Variants in ARMH3 observed in about 807,000 individuals in gnomAD.
ARMH3 encodes armadillo like helical domain containing 3, also known as armadillo-like helical domain-containing protein 3.
A neutral mutation model predicts 99.1 loss-of-function variants in ARMH3; 60 were observed. The observed-to-expected ratio is 0.61, with a 90% CI of 0.49 to 0.75. The LOEUF (loss-of-function observed/expected upper bound fraction) is 0.75. Ranked by LOEUF, ARMH3 falls within the 30% of genes least tolerant of loss-of-function variation. ARMH3 has a pLI of 0.00. For missense variants in ARMH3, 679 were observed against 843.1 expected (o/e 0.81, Z 2.41); for synonymous variants, 285 against 292.8 (o/e 0.97, Z 0.27).
chr10:101,918,038 T>C (rs1843152915), intron 23 of ARMH3, among the ~76,000 whole-genome samples: 1 of 151,772 alleles, frequency 6.6e-6, no homozygotes, highest in African/African-American at 2.4e-5. Flanking sequence ...TATCATGGGG[T>C]TTTTTGTTTG....
intron 22 of ARMH3, among the ~76,000 whole-genome samples, chr10:101,947,657 G>A (rs564196035): frequency 9.2e-5 from 14 of 152,138 alleles, no homozygotes; most frequent in South Asian, 2.1e-4. Flanking sequence ...AAAATTAGCC[G>A]GGTGTGGTGG....
intron 23 of ARMH3, among the ~76,000 whole-genome samples, chr10:101,895,511 C>T (rs2067804927): frequency 6.6e-6 from 1 of 152,104 alleles, no homozygotes; most frequent in Non-Finnish European, 1.5e-5. Context: ...AATCTCCTGA[C>T]CTCATGATCC....
chr10:102,050,258 C>G (rs544824116), intron 1 of ARMH3, among the ~76,000 whole-genome samples: 2 of 152,018 alleles, frequency 1.3e-5, no homozygotes, highest in South Asian at 2.1e-4. Flanking sequence ...CTGGCTAACA[C>G]GGTGAAACCC....
intron 24 of ARMH3, among the ~76,000 whole-genome samples, chr10:101,855,886 T>C (rs190445895): frequency 9.2e-5 from 14 of 151,952 alleles, no homozygotes; most frequent in Admixed American, 5.2e-4. Context: ...AGAAAGATTG[T>C]AAATTGCCCA....
intron 23 of ARMH3, among the ~76,000 whole-genome samples, chr10:101,929,827 T>C (rs1249844734): frequency 6.6e-6 from 1 of 152,180 alleles, no homozygotes; most frequent in African/African-American, 2.4e-5. Flanking sequence ...ATATTGCATA[T>C]GGACATAAAA....
intron 22 of ARMH3, among the ~76,000 whole-genome samples, chr10:101,949,086 T>G (rs2135766439): frequency 6.6e-6 from 1 of 152,008 alleles, no homozygotes; most frequent in South Asian, 2.1e-4. Context: ...GAGCTGCAAC[T>G]AAAGCAGTAC....
chr10:102,027,791 A>G (rs1444506054), intron 5 of ARMH3, among the ~76,000 whole-genome samples: 1 of 151,784 alleles, frequency 6.6e-6, no homozygotes, highest in Non-Finnish European at 1.5e-5. Context: ...ATATTTGTAT[A>G]TTTATAATTA....
At chr10:101,983,084 G>A (rs1340491171) in intron 19 of ARMH3, among the ~76,000 whole-genome samples, 1 of 151,936 alleles carries the variant, frequency 6.6e-6, no homozygotes, top group African/African-American at 2.4e-5. Flanking sequence ...AAAATCCTTA[G>A]AATCTCCAAA....
At chr10:101,988,129 T>C (rs1311595976) in intron 19 of ARMH3, among the ~76,000 whole-genome samples, 4 of 152,216 alleles carry the variant, frequency 2.6e-5, no homozygotes, top group South Asian at 2.1e-4. Flanking sequence ...TAGGGTAGTT[T>C]GTTACACAGC....
intron 1 of ARMH3, among the ~76,000 whole-genome samples, chr10:102,053,405 C>T (rs1288470487): frequency 6.6e-6 from 1 of 151,920 alleles, no homozygotes; most frequent in Non-Finnish European, 1.5e-5. Flanking sequence ...AAATGAAATG[C>T]CTTTTCTTTT....
At chr10:101,872,868 G>GA (rs1204278167) in intron 24 of ARMH3, among the ~76,000 whole-genome samples, 1 of 151,586 alleles carries the variant, frequency 6.6e-6, no homozygotes, top group Non-Finnish European at 1.5e-5. Context: ...TGAGACAGGA[G>GA]AATTGCTTGA....
At chr10:101,966,102 CTTTTTTTTTT>C (rs1047048779) in intron 20 of ARMH3, among the ~76,000 whole-genome samples, 5 of 126,292 alleles carry the variant, frequency 4.0e-5, no homozygotes, top group African/African-American at 1.5e-4. Context: ...TTTTTCTTTT[CTTTTTTTTTT>C]TTTTTTTTTA....
chr10:101,873,762 C>T (rs1269163482), intron 24 of ARMH3, among the ~76,000 whole-genome samples: 1 of 152,170 alleles, frequency 6.6e-6, no homozygotes, highest in Non-Finnish European at 1.5e-5. Flanking sequence ...CTGTTTCTTT[C>T]ACTTATCATA....
At chr10:101,998,537 T>C (rs1458131453) in intron 15 of ARMH3, among the ~76,000 whole-genome samples, 1 of 152,210 alleles carries the variant, frequency 6.6e-6, no homozygotes, top group Non-Finnish European at 1.5e-5. Flanking sequence ...GGCAGAAATC[T>C]CCAAGAGCTA....
At chr10:101,946,335 A>G (rs1394946675) in intron 22 of ARMH3, among the ~76,000 whole-genome samples, 2 of 152,160 alleles carry the variant, frequency 1.3e-5, no homozygotes, top group East Asian at 3.9e-4. Flanking sequence ...AAGCCATAAC[A>G]AAGAACCAAT....
intron 1 of ARMH3, among the ~76,000 whole-genome samples, chr10:102,043,458 A>C (rs2067468919): frequency 6.6e-6 from 1 of 152,258 alleles, no homozygotes; most frequent in Non-Finnish European, 1.5e-5. Flanking sequence ...AGGAAACTCC[A>C]GACTTGATTC....
At chr10:101,982,991 G>A (rs1168141759) in intron 19 of ARMH3, among the ~76,000 whole-genome samples, 1 of 152,170 alleles carries the variant, frequency 6.6e-6, no homozygotes, top group African/African-American at 2.4e-5. Context: ...CATGAAACTG[G>A]TTCCTGGTGC....
intron 23 of ARMH3, among the ~76,000 whole-genome samples, chr10:101,915,793 G>C (rs2135571881): frequency 6.7e-6 from 1 of 149,330 alleles, no homozygotes; most frequent in South Asian, 2.1e-4. Flanking sequence ...TGGCACTATT[G>C]CAAGTCCTTT....
At chr10:101,921,739 C>T (rs1040741146) in intron 23 of ARMH3, among the ~76,000 whole-genome samples, 1 of 152,150 alleles carries the variant, frequency 6.6e-6, no homozygotes, top group Non-Finnish European at 1.5e-5. Context: ...CACAGAAAGA[C>T]AAATTTCGCA....
Sources: allele counts gnomAD v4.1 joint callset (sites outside exome capture counted in the v4.1 genomes callset), GRCh38; gene constraint gnomAD v4.1.1; transcripts MANE v1.5; gene names NCBI Gene and HGNC (gene_info 2026-07-23, HGNC 2026-07-21).